ERCC6L: variants seen among roughly 807,000 people sequenced by gnomAD.
The protein encoded by ERCC6L is DNA excision repair protein ERCC-6-like.
In ERCC6L, 7 loss-of-function variants were observed where a neutral mutation model predicts 20.1. That is an observed-to-expected ratio of 0.35 (90% CI 0.20 to 0.65). The LOEUF (loss-of-function observed/expected upper bound fraction) is 0.65, where lower values mean the gene tolerates loss of function less well. Ranked by LOEUF, ERCC6L falls within the 30% of genes least tolerant of loss-of-function variation. ERCC6L has a pLI of 0.69. For synonymous variants in ERCC6L, 278 were observed against 331.3 expected (o/e 0.84, Z 1.75); for missense variants, 592 against 892.4 (o/e 0.66, Z 4.29).
chrX:72,213,735 T>C (rs1474978245), intron 1 of ERCC6L, among the ~76,000 whole-genome samples: 1 of 112,042 alleles, frequency 8.9e-6, no homozygotes, highest in Non-Finnish European at 1.9e-5. Context: ...AGTTGCTGGG[T>C]TCCACGGTTC....
chrX:72,229,992 G>A (rs779774543), intron 1 of ERCC6L, among the ~76,000 whole-genome samples: 26 of 109,625 alleles, frequency 2.4e-4, no homozygotes, highest in South Asian at 2.0e-3. Flanking sequence ...TGGCTAACAC[G>A]GTGAAATCCC....
At chrX:72,232,142 A>AC (rs746438608) in intron 1 of ERCC6L, among the ~76,000 whole-genome samples, 2 of 110,213 alleles carry the variant, frequency 1.8e-5, no homozygotes, top group East Asian at 5.6e-4. Flanking sequence ...TTATAAATAA[A>AC]CCCAAAAACT....
In ERCC6L at chrX:72,207,312, C is replaced by T. The variant is rs752700494; in HGVS notation, c.1455G>A (p.Ser485=). The T allele has an allele frequency of 1.2e-5, 15 of 1,209,182 alleles. No individual in the cohort carries two copies. In the East Asian group the frequency reaches 2.7e-4, roughly 21 times the overall value. ...EGHQTLVFSQ[S]RQILNIIERL... is the part of the protein sequence containing the mutation. Reference sequence around the variant, plus strand: ...GTTCAATGATGTTTAGAATTTGCCTCGATTGAGAAAACACCAGAGTTTGAT... The same window carrying T: ...GTTCAATGATGTTTAGAATTTGCCTTGATTGAGAAAACACCAGAGTTTGAT... Residue 485 remains serine, a synonymous_variant, in exon 2 of 2, where the codon TCG becomes TCA. Coordinates refer to ENST00000334463, the MANE Select transcript of ERCC6L (RefSeq NM_017669.4).
chrX:72,237,216 G>C (rs2043021662), intron 1 of ERCC6L, among the ~76,000 whole-genome samples: 1 of 111,626 alleles, frequency 9.0e-6, no homozygotes, highest in South Asian at 3.7e-4. Context: ...TAAATGAAAG[G>C]CCTGGCATGG....
Position 72,207,081 on chromosome X carries a change from A to T in ERCC6L, c.1686T>A (p.Thr562=). 8.3e-7 allele frequency: 1 copy of T among 1,211,939 alleles called. No individual in the cohort carries two copies. The highest frequency in any genetic ancestry group is 1.1e-6 in the Non-Finnish European group (1 of 895,586). Residue 562 remains threonine (T), a synonymous_variant, in exon 2 of 2, where the codon ACT becomes ACA. Coordinates refer to ENST00000334463, the MANE Select transcript of ERCC6L (RefSeq NM_017669.4). The part of the protein sequence containing the change: ...VIFDPSWNPA[T]DAQAVDRVYR... Reference sequence around the variant, plus strand: ...AAACTCTATCCACAGCTTGAGCATCAGTTGCAGGATTCCAGCTAGGGTCAA... The same window carrying T: ...AAACTCTATCCACAGCTTGAGCATCTGTTGCAGGATTCCAGCTAGGGTCAA...
At position 72,224,521 on chromosome X, in the gene ERCC6L, C is replaced by T. The variant is rs572357088; in HGVS notation, c.68+14323G>A. On this transcript the variant is annotated intron_variant, in intron 1 of 1. Transcript: ENST00000334463. Reference sequence around the variant, plus strand: ...CAGCACTTTGGGAGGCCGAGGCAGGCGGATCACCTGAGTTTGGGAGCTTGA... The same window carrying T: ...CAGCACTTTGGGAGGCCGAGGCAGGTGGATCACCTGAGTTTGGGAGCTTGA... Among the ~76,000 whole-genome samples the T allele has an allele frequency of 1.1e-4, 12 of 111,717 alleles. No homozygotes were observed. The South Asian group carries it at 1.9e-3, about 18-fold the overall frequency.
chrX:72,235,185 T>C (rs936580618), intron 1 of ERCC6L, among the ~76,000 whole-genome samples: 1 of 111,888 alleles, frequency 8.9e-6, no homozygotes. Context: ...CAGGTCTCAC[T>C]GGGCTAAAAT....
Position 72,204,976 on chromosome X carries a change from TCA to T in ERCC6L, c.*36_*37del, listed in dbSNP as rs752684078. 4.6e-6 allele frequency: 5 copies of T among 1,082,406 alleles called. No individual in the cohort carries two copies. The African/African-American group carries it at 7.5e-5, about 16-fold the overall frequency. The allele number at this position is 1,082,406 out of a possible 1,213,427, so 89.2% of individuals were successfully genotyped here. On this transcript the variant is annotated 3_prime_UTR_variant, in exon 2 of 2. Coordinates refer to ENST00000334463, the MANE Select transcript of ERCC6L (RefSeq NM_017669.4). The stretch of plus-strand genomic sequence containing the variant: ...TATGGGAACAAAAATTCCCTCATAT[TCA>T]GTTTCACTTTAAAATACAATAAACA...
chrX:72,217,040 A>G (rs2147591563), intron 1 of ERCC6L, among the ~76,000 whole-genome samples: 1 of 112,282 alleles, frequency 8.9e-6, no homozygotes, highest in South Asian at 3.7e-4. Flanking sequence ...AGAAAAAAGG[A>G]TAATTTTGGT....
chrX:72,218,023 C>T (rs1465355379), intron 1 of ERCC6L, among the ~76,000 whole-genome samples: 2 of 111,294 alleles, frequency 1.8e-5, no homozygotes, highest in African/African-American at 3.3e-5. Flanking sequence ...GTAATCCCAG[C>T]ACTTTGGAAG....
At chrX:72,238,753 C>A (rs1042171317) in intron 1 of ERCC6L, 91 bp downstream of exon 1, 3 of 865,735 alleles carry the variant, frequency 3.5e-6, no homozygotes, top group Non-Finnish European at 4.9e-6. Flanking sequence ...TCCGCCTCAA[C>A]AGTTCGGGTC....
At chrX:72,222,308 A>G (rs1220713287) in intron 1 of ERCC6L, among the ~76,000 whole-genome samples, 2 of 111,952 alleles carry the variant, frequency 1.8e-5, no homozygotes, top group East Asian at 5.6e-4. Context: ...TGATATTTAT[A>G]TAATTTTAAC....
Position 72,205,041 on chromosome X carries a change from A to C in ERCC6L, c.3726T>G (p.Ser1242Arg), listed in dbSNP as rs769425306. 1.7e-6 allele frequency: 2 copies of C among 1,202,806 alleles called. No homozygotes were observed. The highest frequency in any genetic ancestry group is 5.9e-5 in the East Asian group (2 of 33,771). The change falls in exon 2 of 2, where the codon AGT (serine) becomes AGG (arginine). Residue 1242 changes from serine (S) to arginine (R), a missense_variant. Transcript: ENST00000334463. Reference sequence around the variant, plus strand: ...AATTGTTATTAAGTTGCTTATACAAACTTAAAGTCAAGAGCATAACTTCAG... The same window carrying C: ...AATTGTTATTAAGTTGCTTATACAACCTTAAAGTCAAGAGCATAACTTCAG... ...ADPEVMLLTL[S>R]LYKQLNNN
At chrX:72,212,788 A>G (rs996865935) in intron 1 of ERCC6L, among the ~76,000 whole-genome samples, 1 of 111,065 alleles carries the variant, frequency 9.0e-6, no homozygotes, top group Non-Finnish European at 1.9e-5. Context: ...CAAAAAATAG[A>G]AAAAAAATTA....
At position 72,207,324 on chromosome X, in the gene ERCC6L, C is replaced by G; in HGVS notation, c.1443G>C (p.Val481=). The part of the protein sequence containing the change: ...RLRDEGHQTL[V]FSQSRQILNI... ...TTAGAATTTGCCTCGATTGAGAAAA[C>G]ACCAGAGTTTGATGTCCCTCATCTC... The change falls in exon 2 of 2, where the codon GTG becomes GTC. Residue 481 remains valine, a synonymous_variant. Transcript: ENST00000334463. 1 of 1,211,166 alleles carries G rather than the reference C, an allele frequency of 8.3e-7. No homozygotes were observed. The highest frequency in any genetic ancestry group is 1.1e-6 in the Non-Finnish European group (1 of 895,011).
At chrX:72,227,130 T>A (rs755538662) in intron 1 of ERCC6L, among the ~76,000 whole-genome samples, 6 of 111,994 alleles carry the variant, frequency 5.4e-5, no homozygotes, top group Admixed American at 4.8e-4. Flanking sequence ...TTCTTCCAGT[T>A]CTCATCAATA....
chrX:72,228,932 A>C (rs1158184442), intron 1 of ERCC6L, among the ~76,000 whole-genome samples: 1 of 111,088 alleles, frequency 9.0e-6, no homozygotes, highest in Non-Finnish European at 1.9e-5. Flanking sequence ...CCCTTCCTGC[A>C]TCCCTTCATG....
intron 1 of ERCC6L, among the ~76,000 whole-genome samples, chrX:72,210,229 A>C (rs192845926): frequency 1.4e-3 from 149 of 108,444 alleles, no homozygotes; most frequent in Non-Finnish European, 1.6e-3. Context: ...AAATAAATAA[A>C]TAAATAAATA....
At chrX:72,219,645 C>T (rs1362804492) in intron 1 of ERCC6L, among the ~76,000 whole-genome samples, 16 of 108,004 alleles carry the variant, frequency 1.5e-4, no homozygotes, top group South Asian at 4.1e-4. Flanking sequence ...GTCAGGAGTT[C>T]GAAACCAGCC....
Sources: gnomAD v4.1 joint callset for allele counts (sites outside exome capture counted in the v4.1 genomes callset) on GRCh38, gnomAD v4.1.1 for gene constraint, MANE v1.5 for transcripts, NCBI Gene and HGNC (gene_info 2026-07-23, HGNC 2026-07-21) for gene names.